KAZN: variants seen among roughly 807,000 people sequenced by gnomAD.
KAZN encodes the protein kazrin, periplakin interacting protein, also known as kazrin.
In KAZN, 40 loss-of-function variants were observed where a neutral mutation model predicts 87.4. The ratio of observed to expected loss-of-function variants is 0.46; its 90% CI spans 0.36 to 0.60. The LOEUF is 0.60. Ranked by LOEUF, KAZN falls within the 20% of genes least tolerant of loss-of-function variation. KAZN has a pLI of 0.00. For missense variants in KAZN, 898 were observed against 1,073.9 expected (o/e 0.84, Z 2.29); for synonymous variants, 466 against 458.3 (o/e 1.02, Z -0.22).
At chr1:14,350,215 GATCT>G (rs935357701) in intron 2 of KAZN, among the ~76,000 whole-genome samples, 5 of 151,838 alleles carry the variant, frequency 3.3e-5, no homozygotes, top group African/African-American at 1.2e-4. Flanking sequence ...TCACCCTCTG[GATCT>G]ATCTGACCCC....
chr1:14,678,249 CAGA>C (rs1278206885), intron 1 of KAZN, among the ~76,000 whole-genome samples: 1 of 152,156 alleles, frequency 6.6e-6, no homozygotes, highest in East Asian at 1.9e-4. Context: ...AAAAAGCAGG[CAGA>C]AGAAGGTGGA....
At position 15,063,399 on chromosome 1, in the gene KAZN, C is replaced by T. The variant is rs1638958203; in HGVS notation, c.1048-173C>T. 3.0e-5 allele frequency: 19 copies of T among 635,862 alleles called. No homozygotes were observed. In the South Asian group the frequency reaches 3.4e-4, roughly 11 times the overall value. The allele number at this position is 635,862 out of a possible 1,614,324, so 39.4% of individuals were successfully genotyped here. A position where few individuals can be genotyped will look rare whatever the true frequency, so the allele number is the denominator to read the frequency against. Reference sequence around the variant, plus strand: ...GAAACTCCAGGCCCCATCAATAAGCCATCTGGGGGTATCTGCTTCAGGAGA... The same window carrying T: ...GAAACTCCAGGCCCCATCAATAAGCTATCTGGGGGTATCTGCTTCAGGAGA... On this transcript the variant is annotated intron_variant, in intron 6 of 14. Coordinates refer to ENST00000376030, the MANE Select transcript of KAZN (RefSeq NM_201628.3).
intron 1 of KAZN, among the ~76,000 whole-genome samples, chr1:14,614,212 C>A (rs1248054205): frequency 6.6e-6 from 1 of 152,222 alleles, no homozygotes; most frequent in Admixed American, 6.5e-5. Context: ...CTAATCTCTC[C>A]AGCAGCATTC....
At chr1:14,418,075 A>G (rs191108979) in intron 2 of KAZN, among the ~76,000 whole-genome samples, 1 of 139,532 alleles carries the variant, frequency 7.2e-6, no homozygotes, top group African/African-American at 2.6e-5. Context: ...ATCTCTAGAC[A>G]TGTCCCCTCC....
intron 1 of KAZN, among the ~76,000 whole-genome samples, chr1:14,668,619 T>G (rs1260299894): frequency 1.3e-5 from 2 of 151,992 alleles, no homozygotes; most frequent in African/African-American, 4.8e-5. Context: ...TCTCTCTTCT[T>G]CTCTGTGAAG....
intron 1 of KAZN, among the ~76,000 whole-genome samples, chr1:14,049,579 TC>T (rs1337351276): frequency 6.6e-6 from 1 of 152,158 alleles, no homozygotes; most frequent in Non-Finnish European, 1.5e-5. Context: ...CCAGGGTGCT[TC>T]TGCCCCAGTC....
At chr1:14,420,748 G>C (rs1465544755) in intron 2 of KAZN, among the ~76,000 whole-genome samples, 1 of 152,136 alleles carries the variant, frequency 6.6e-6, no homozygotes, top group African/African-American at 2.4e-5. Flanking sequence ...TGGCCCAGGT[G>C]CTAAGCCCCT....
intron 1 of KAZN, among the ~76,000 whole-genome samples, chr1:14,603,076 C>G (rs545519171): frequency 2.6e-5 from 4 of 152,194 alleles, no homozygotes; most frequent in African/African-American, 9.7e-5. Flanking sequence ...GAAACTCTTT[C>G]GTGAAGTATA....
intron 1 of KAZN, among the ~76,000 whole-genome samples, chr1:14,740,751 T>C (rs1230931340): frequency 3.9e-5 from 6 of 152,166 alleles, no homozygotes; most frequent in Non-Finnish European, 7.3e-5. Flanking sequence ...TTGCTCTTTG[T>C]TCATTCTCCT....
Position 13,918,709 on chromosome 1 carries a change from A to G in KAZN, c.91+24953A>G, listed in dbSNP as rs557685588. Among the ~76,000 whole-genome samples the G allele has an allele frequency of 2.0e-5, 3 of 152,400 alleles. 1 individual carries two copies. In the East Asian group the frequency reaches 5.8e-4, roughly 29 times the overall value. On this transcript the variant is annotated intron_variant, in intron 1 of 16. Transcript: ENST00000636203. ...TTGTCTTGTTTTAAGAAATGGCCAC[A>G]GCCATTCCAACCTTCAGCAACCACC... is the stretch of plus-strand genomic sequence containing the variant.
intron 2 of KAZN, among the ~76,000 whole-genome samples, chr1:14,401,740 TTA>T (rs1287154331): frequency 6.6e-6 from 1 of 152,160 alleles, no homozygotes; most frequent in Non-Finnish European, 1.5e-5. Context: ...TATAATTCAT[TTA>T]TTATAGGAAA....
At chr1:14,130,177 C>T (rs755239423) in intron 1 of KAZN, among the ~76,000 whole-genome samples, 1 of 152,190 alleles carries the variant, frequency 6.6e-6, no homozygotes, top group Non-Finnish European at 1.5e-5. Flanking sequence ...GCTATCGCCT[C>T]TCTCCTCTTT....
intron 2 of KAZN, among the ~76,000 whole-genome samples, chr1:14,440,603 C>T (rs1666644546): frequency 6.6e-6 from 1 of 152,116 alleles, no homozygotes; most frequent in African/African-American, 2.4e-5. Flanking sequence ...TTAAGTCATG[C>T]TTAGAACTGG....
chr1:15,009,974 A>T (rs1669416632), intron 2 of KAZN, among the ~76,000 whole-genome samples: 1 of 152,204 alleles, frequency 6.6e-6, no homozygotes, highest in African/African-American at 2.4e-5. Flanking sequence ...ATCTCACTTG[A>T]AAAAATGATC....
intron 1 of KAZN, among the ~76,000 whole-genome samples, chr1:14,754,254 G>C (rs905398209): frequency 2.6e-5 from 4 of 152,192 alleles, no homozygotes; most frequent in African/African-American, 7.2e-5. Context: ...GGATACAGTG[G>C]GGAGGCCAGT....
At chr1:14,585,029 G>C (rs564068827) in intron 2 of KAZN, among the ~76,000 whole-genome samples, 1 of 152,272 alleles carries the variant, frequency 6.6e-6, no homozygotes, top group African/African-American at 2.4e-5. Flanking sequence ...GTCCTTACAA[G>C]AAGAGGAGAT....
At chr1:14,445,172 T>C (rs1666913212) in intron 2 of KAZN, among the ~76,000 whole-genome samples, 2 of 152,072 alleles carry the variant, frequency 1.3e-5, no homozygotes, top group Admixed American at 1.3e-4. Context: ...ATTACAGGCA[T>C]GGGCCACCAT....
intron 1 of KAZN, among the ~76,000 whole-genome samples, chr1:14,122,601 A>G (rs1171653010): frequency 6.6e-6 from 1 of 152,210 alleles, no homozygotes; most frequent in African/African-American, 2.4e-5. Context: ...TTACAGTAGA[A>G]CAATATTCTG....
intron 2 of KAZN, among the ~76,000 whole-genome samples, chr1:14,349,911 C>A (rs141439657): frequency 6.6e-6 from 1 of 151,824 alleles, no homozygotes; most frequent in Non-Finnish European, 1.5e-5. Context: ...CGGAGGAGGG[C>A]GGATCACGAG....
Sources: gnomAD v4.1 joint callset for allele counts (sites outside exome capture counted in the v4.1 genomes callset) on GRCh38, gnomAD v4.1.1 for gene constraint, MANE v1.5 for transcripts, NCBI Gene and HGNC (gene_info 2026-07-23, HGNC 2026-07-21) for gene names.